The following ZNF678 variants were observed in gnomAD, a reference collection of about 807,000 sequenced individuals.
ZNF678 encodes hypothetical protein MGC42493.
Under a neutral mutation model 3.0 loss-of-function variants are expected in ZNF678, and 5 were observed. That is an observed-to-expected ratio of 1.69 (90% CI 0.88 to 3.56). The LOEUF (loss-of-function observed/expected upper bound fraction) is 3.56, where lower values mean the gene tolerates loss of function less well. ZNF678 is among the 30% of genes most tolerant of loss of function. ZNF678 has a pLI of 0.00. For synonymous variants in ZNF678, 218 were observed against 199.6 expected (o/e 1.09, Z -0.78); for missense variants, 593 against 605.0 (o/e 0.98, Z 0.21).
At chr1:227,671,861 A>C (rs959478374) in intron 5 of ZNF678, among the ~76,000 whole-genome samples, 6 of 152,342 alleles carry the variant, frequency 3.9e-5, no homozygotes, top group African/African-American at 1.4e-4. Context: ...TTAATGAAAA[A>C]ATATTAAAAA....
chr1:227,569,367 A>G (rs10916166), intron 1 of ZNF678, among the ~76,000 whole-genome samples: 32,191 of 152,138 alleles, frequency 0.21, 3,915 homozygotes, highest in African/African-American at 0.33. Context: ...ATAAATTTGA[A>G]TCATTCTTTT....
intron 1 of ZNF678, among the ~76,000 whole-genome samples, chr1:227,606,148 A>C (rs1657862109): frequency 6.6e-6 from 1 of 152,212 alleles, no homozygotes. Context: ...TGGCACACTC[A>C]GCATGCAAGG....
intron 5 of ZNF678, among the ~76,000 whole-genome samples, chr1:227,673,033 C>T (rs1263935688): frequency 1.3e-5 from 2 of 152,120 alleles, no homozygotes; most frequent in Non-Finnish European, 2.9e-5. Flanking sequence ...AGTCCCCATG[C>T]CTGTATCATC....
At chr1:227,570,080 C>T (rs901227710) in intron 1 of ZNF678, among the ~76,000 whole-genome samples, 1 of 152,106 alleles carries the variant, frequency 6.6e-6, no homozygotes, top group Non-Finnish European at 1.5e-5. Flanking sequence ...GTTGTGAGTC[C>T]TATCATGTTT....
At chr1:227,585,956 G>A (rs1364918207) in intron 1 of ZNF678, among the ~76,000 whole-genome samples, 1 of 152,160 alleles carries the variant, frequency 6.6e-6, no homozygotes, top group Non-Finnish European at 1.5e-5. Context: ...CAGCCACAAA[G>A]CCTAGGGAGG....
At chr1:227,581,523 G>T (rs547789569) in intron 1 of ZNF678, among the ~76,000 whole-genome samples, 1 of 152,042 alleles carries the variant, frequency 6.6e-6, no homozygotes, top group African/African-American at 2.4e-5. Flanking sequence ...GAACTTTATG[G>T]TCATAAAATG....
At chr1:227,588,668 T>A (rs558618223) in intron 1 of ZNF678, among the ~76,000 whole-genome samples, 4 of 152,116 alleles carry the variant, frequency 2.6e-5, no homozygotes, top group African/African-American at 9.6e-5. Flanking sequence ...CATGCCCAGC[T>A]ATTTTTTTCT....
chr1:227,605,983 A>G (rs1046846494), intron 1 of ZNF678, among the ~76,000 whole-genome samples: 2 of 152,186 alleles, frequency 1.3e-5, no homozygotes, highest in Non-Finnish European at 2.9e-5. Context: ...AACTCTTTTT[A>G]TATGTTATTT....
chr1:227,565,679 T>C (rs535723866), intron 1 of ZNF678, among the ~76,000 whole-genome samples: 2 of 152,384 alleles, frequency 1.3e-5, no homozygotes, highest in South Asian at 4.1e-4. Flanking sequence ...TTTTTATCTT[T>C]CCTAGGCACA....
chr1:227,594,848 C>G (rs924210300), intron 1 of ZNF678, among the ~76,000 whole-genome samples: 2 of 152,200 alleles, frequency 1.3e-5, no homozygotes, highest in African/African-American at 2.4e-5. Context: ...TCCGCCCCCC[C>G]CTTTTTTCCT....
rs543164003 is a variant in ZNF678 at position 227,622,733 on chromosome 1, G to A, written c.-163-23811G>A. Reference sequence around the variant, plus strand: ...GAGAGCCCCTCCTGCCTCCATTGAGGTGGGGGTTAAGGCTGAAACCCTCTA... The same window carrying A: ...GAGAGCCCCTCCTGCCTCCATTGAGATGGGGGTTAAGGCTGAAACCCTCTA... On this transcript the variant is annotated intron_variant, in intron 1 of 3. Coordinates refer to ENST00000343776, the MANE Select transcript of ZNF678 (RefSeq NM_001367909.1). 2.0e-5 allele frequency among the ~76,000 whole-genome samples: 3 copies of A among 152,284 alleles called. No homozygotes were observed. The South Asian group carries it at 6.2e-4, about 32-fold the overall frequency.
At chr1:227,600,693 A>G (rs1657715086) in intron 1 of ZNF678, among the ~76,000 whole-genome samples, 1 of 152,178 alleles carries the variant, frequency 6.6e-6, no homozygotes, top group South Asian at 2.1e-4. Flanking sequence ...GACGTTTGTC[A>G]GATACATAGT....
At chr1:227,571,645 C>T (rs1444532471) in intron 1 of ZNF678, among the ~76,000 whole-genome samples, 1 of 152,224 alleles carries the variant, frequency 6.6e-6, no homozygotes, top group Non-Finnish European at 1.5e-5. Context: ...TATACTTAAG[C>T]AAATACACCG....
chr1:227,609,620 T>G lies in ZNF678; in HGVS notation c.-163-36924T>G, dbSNP rs146278030. ...GACGATTCAATAACTACATTAAAATTTACTTGTAACTTTTTGTGAATATAT... is the reference window on the plus strand; with the variant it reads ...GACGATTCAATAACTACATTAAAATGTACTTGTAACTTTTTGTGAATATAT... On this transcript the variant is annotated intron_variant, in intron 1 of 3. Coordinates refer to ENST00000343776, the MANE Select transcript of ZNF678 (RefSeq NM_001367909.1). Among the ~76,000 whole-genome samples, 710 of 152,332 alleles carry G rather than the reference T, an allele frequency of 4.7e-3. 3 individuals carry two copies. The highest frequency in any genetic ancestry group is 6.8e-3 in the Middle Eastern group (2 of 294).
chr1:227,600,525 T>C (rs1241770896), intron 1 of ZNF678, among the ~76,000 whole-genome samples: 2 of 152,256 alleles, frequency 1.3e-5, no homozygotes, highest in Admixed American at 6.5e-5. Flanking sequence ...GGTTTTGATT[T>C]GCATTTCTCT....
At chr1:227,648,173 T>TA (rs914490354) in intron 2 of ZNF678, among the ~76,000 whole-genome samples, 14 of 152,084 alleles carry the variant, frequency 9.2e-5, no homozygotes, top group Admixed American at 2.6e-4. Context: ...TCCCTACATT[T>TA]AAAAAAAATA....
At chr1:227,636,263 G>A (rs1193768347) in intron 1 of ZNF678, among the ~76,000 whole-genome samples, 1 of 152,114 alleles carries the variant, frequency 6.6e-6, no homozygotes, top group Non-Finnish European at 1.5e-5. Context: ...GCTGGTACAT[G>A]GGCTACTTTT....
At chr1:227,646,127 G>A (rs971806424) in intron 1 of ZNF678, among the ~76,000 whole-genome samples, 2 of 152,148 alleles carry the variant, frequency 1.3e-5, no homozygotes, top group African/African-American at 4.8e-5. Context: ...CAAAAAGTCA[G>A]GTTTCAGCCC....
intron 1 of ZNF678, among the ~76,000 whole-genome samples, chr1:227,604,023 G>A (rs925676977): frequency 1.3e-5 from 2 of 152,182 alleles, no homozygotes; most frequent in African/African-American, 4.8e-5. Flanking sequence ...AATTCATTTT[G>A]ATGGCCAAAT....
Sources: gnomAD v4.1 joint callset for allele counts (sites outside exome capture counted in the v4.1 genomes callset) on GRCh38, gnomAD v4.1.1 for gene constraint, MANE v1.5 for transcripts, NCBI Gene and HGNC (gene_info 2026-07-23, HGNC 2026-07-21) for gene names.